The following CSMD3 variants were observed in gnomAD, a reference collection of about 807,000 sequenced individuals.
CSMD3 encodes the protein CUB and sushi domain-containing protein 3.
Under a neutral mutation model 435.2 loss-of-function variants are expected in CSMD3, and 177 were observed. That is an observed-to-expected ratio of 0.41 (90% CI 0.36 to 0.46). The LOEUF is 0.46. Among genes scored for constraint, CSMD3 ranks in the 20% least tolerant of loss-of-function variants. CSMD3 has a pLI of 0.34. For missense variants in CSMD3, 4,265 were observed against 4,504.6 expected (o/e 0.95, Z 1.52); for synonymous variants, 1,656 against 1,520.5 (o/e 1.09, Z -2.07).
intron 3 of CSMD3, among the ~76,000 whole-genome samples, chr8:113,243,114 T>G (rs748080208): frequency 6.6e-6 from 1 of 151,766 alleles, no homozygotes; most frequent in Non-Finnish European, 1.5e-5. Context: ...TATTTCTTCA[T>G]CTCTATTAAT....
rs778133814 is a variant in CSMD3, at chr8:112,291,662, T to C, written c.8822A>G (p.Asn2941Ser). 1 of 1,612,634 alleles carries C rather than the reference T, an allele frequency of 6.2e-7. No homozygotes were observed. The highest frequency in any genetic ancestry group is 1.7e-5 in the Admixed American group (1 of 59,970). Reference sequence around the variant, plus strand: ...TTCTATTTTACTTTCTCTTTTAGAATTGGCTGGAATTCCAGGATCAGAACA... The same window carrying C: ...TTCTATTTTACTTTCTCTTTTAGAACTGGCTGGAATTCCAGGATCAGAACA... Reference protein sequence around the residue: ...VNCSDPGIPANSKRESKIEHG... With the variant: ...VNCSDPGIPASSKRESKIEHG... The change falls in exon 56 of 71, where the codon AAT (asparagine) becomes AGT (serine). Residue 2941 changes from asparagine (N) to serine (S), a missense_variant. Asn to Ser is a conservative substitution (Grantham distance 46). This residue lies in a region of CSMD3 where 3,255 missense variants were observed against 3,380.2 expected (regional missense o/e 0.96). Transcript: ENST00000297405.
chr8:112,862,826 C>G (rs554547327), intron 10 of CSMD3, among the ~76,000 whole-genome samples: 5 of 151,910 alleles, frequency 3.3e-5, no homozygotes, highest in Admixed American at 3.3e-4. Context: ...CTAAATTACT[C>G]TCCAAAAGTT....
intron 38 of CSMD3, among the ~76,000 whole-genome samples, chr8:112,379,510 C>G (rs552064875): frequency 1.3e-5 from 2 of 151,800 alleles, no homozygotes; most frequent in African/African-American, 4.8e-5. Flanking sequence ...TAAATAGTGA[C>G]GAGAAAAGAT....
intron 3 of CSMD3, among the ~76,000 whole-genome samples, chr8:113,278,356 G>A (rs892431226): frequency 1.1e-4 from 16 of 151,718 alleles, no homozygotes; most frequent in East Asian, 3.9e-4. Flanking sequence ...ATTTAATTCC[G>A]TTTTGTTAAT....
chr8:113,252,457 TA>T (rs990405837), intron 3 of CSMD3, among the ~76,000 whole-genome samples: 1 of 150,514 alleles, frequency 6.6e-6, no homozygotes, highest in Non-Finnish European at 1.5e-5. Flanking sequence ...AAATTTTATG[TA>T]TTTTTTTTTA....
intron 32 of CSMD3, among the ~76,000 whole-genome samples, chr8:112,418,672 A>G (rs1812164285): frequency 6.6e-6 from 1 of 152,204 alleles, no homozygotes; most frequent in South Asian, 2.1e-4. Context: ...AATCTTAAAA[A>G]TCAGTACCAA....
chr8:112,490,987 G>T (rs944351615), intron 31 of CSMD3, among the ~76,000 whole-genome samples: 2 of 152,010 alleles, frequency 1.3e-5, no homozygotes, highest in African/African-American at 2.4e-5. Context: ...AAATTAACCA[G>T]CTGTTCTGGT....
intron 1 of CSMD3, among the ~76,000 whole-genome samples, chr8:113,319,744 G>T (rs2093936417): frequency 6.6e-6 from 1 of 151,928 alleles, no homozygotes; most frequent in Non-Finnish European, 1.5e-5. Context: ...AATTGCTATT[G>T]TAATTTTGCT....
At chr8:113,434,146 G>A (rs144016213) in intron 1 of CSMD3, among the ~76,000 whole-genome samples, 1 of 152,306 alleles carries the variant, frequency 6.6e-6, no homozygotes, top group African/African-American at 2.4e-5. Context: ...GAACGCAAAG[G>A]TGAGATGGTG....
intron 64 of CSMD3, among the ~76,000 whole-genome samples, chr8:112,245,360 A>T (rs2130128424): frequency 6.6e-6 from 1 of 152,254 alleles, no homozygotes; most frequent in East Asian, 1.9e-4. Flanking sequence ...GCATTTTTTA[A>T]TTATTTGTTC....
chr8:112,853,609 C>T (rs530251187), intron 11 of CSMD3, among the ~76,000 whole-genome samples: 85 of 152,314 alleles, frequency 5.6e-4, no homozygotes, highest in Non-Finnish European at 1.1e-3. Flanking sequence ...CAAATAACAT[C>T]TATAGCTGAC....
chr8:112,719,286 A>C (rs2131959852), intron 13 of CSMD3, among the ~76,000 whole-genome samples: 1 of 152,314 alleles, frequency 6.6e-6, no homozygotes, highest in East Asian at 1.9e-4. Context: ...ATTAGAATTT[A>C]AGGTATAAAG....
intron 22 of CSMD3, among the ~76,000 whole-genome samples, chr8:112,588,464 G>GAA (rs144212321): frequency 6.9e-6 from 1 of 144,322 alleles, no homozygotes; most frequent in Non-Finnish European, 1.5e-5. Flanking sequence ...TCCTTTTAAA[G>GAA]AAAAAAAAAA....
At chr8:113,391,958 G>A (rs1351736984) in intron 1 of CSMD3, among the ~76,000 whole-genome samples, 3 of 152,008 alleles carry the variant, frequency 2.0e-5, no homozygotes, top group African/African-American at 7.2e-5. Flanking sequence ...TAGTCTACAT[G>A]CATTACTGTA....
intron 30 of CSMD3, among the ~76,000 whole-genome samples, chr8:112,498,153 C>T (rs1485347421): frequency 6.6e-6 from 1 of 151,892 alleles, no homozygotes; most frequent in African/African-American, 2.4e-5. Context: ...TTTAACAATT[C>T]GATTTTCAAT....
At chr8:112,579,896 T>C (rs1830218479) in intron 23 of CSMD3, among the ~76,000 whole-genome samples, 1 of 152,062 alleles carries the variant, frequency 6.6e-6, no homozygotes, top group African/African-American at 2.4e-5. Flanking sequence ...CTGGCTTTTC[T>C]CCATAATCAT....
intron 25 of CSMD3, 122 bp downstream of exon 25, chr8:112,556,641 T>C (rs1325737512): frequency 1.4e-6 from 1 of 718,702 alleles, no homozygotes; most frequent in Non-Finnish European, 2.3e-6. Context: ...AAGCTATGAG[T>C]TCATTAATTT....
intron 13 of CSMD3, among the ~76,000 whole-genome samples, chr8:112,788,608 A>T (rs1261370082): frequency 6.6e-6 from 1 of 152,120 alleles, no homozygotes; most frequent in African/African-American, 2.4e-5. Context: ...TCTTTGTCCC[A>T]CTAAACTGAA....
intron 17 of CSMD3, 103 bp from the exon 18 acceptor site, chr8:112,656,444 T>C (rs1218507796): frequency 1.2e-6 from 1 of 811,188 alleles, no homozygotes. Flanking sequence ...ATTTTTCCAT[T>C]TTATATTATA....
Sources: allele counts gnomAD v4.1 joint callset (sites outside exome capture counted in the v4.1 genomes callset), GRCh38; gene constraint gnomAD v4.1.1; regional missense constraint gnomAD v4.1.1; transcripts MANE v1.5; gene names NCBI Gene and HGNC (gene_info 2026-07-23, HGNC 2026-07-21).